ADAMTSL1: variants seen among roughly 807,000 people sequenced by gnomAD.
ADAMTSL1 encodes the protein ADAMTS like 1.
A neutral mutation model predicts 201.8 loss-of-function variants in ADAMTSL1; 126 were observed. That is an observed-to-expected ratio of 0.62 (90% CI 0.54 to 0.72). The LOEUF (loss-of-function observed/expected upper bound fraction) is 0.72. Among genes scored for constraint, ADAMTSL1 ranks in the 30% least tolerant of loss-of-function variants. The pLI, the probability that ADAMTSL1 is intolerant of heterozygous loss-of-function variation, is 0.00. For synonymous variants in ADAMTSL1, 1,121 were observed against 903.4 expected (o/e 1.24, Z -4.32); for missense variants, 2,679 against 2,277.8 (o/e 1.18, Z -3.59).
chr9:18,180,769 G>C (rs536292676), intron 2 of ADAMTSL1, among the ~76,000 whole-genome samples: 2 of 152,074 alleles, frequency 1.3e-5, no homozygotes, highest in African/African-American at 4.8e-5. Flanking sequence ...TTTCTTCACA[G>C]AATTGGAAAA....
chr9:18,737,044 C>T (rs914898428), intron 15 of ADAMTSL1, among the ~76,000 whole-genome samples: 1 of 152,148 alleles, frequency 6.6e-6, no homozygotes, highest in African/African-American at 2.4e-5. Context: ...ACAGGCCAGG[C>T]GTGGTGGCTC....
intron 15 of ADAMTSL1, among the ~76,000 whole-genome samples, chr9:18,738,712 A>G (rs1404908019): frequency 6.6e-6 from 1 of 152,250 alleles, no homozygotes; most frequent in East Asian, 1.9e-4. Flanking sequence ...GTGAGGCTGC[A>G]TGAAGCAAAA....
intron 1 of ADAMTSL1, among the ~76,000 whole-genome samples, chr9:17,983,323 C>T (rs1353361936): frequency 6.6e-6 from 1 of 152,052 alleles, no homozygotes; most frequent in Admixed American, 6.5e-5. Flanking sequence ...CCCGCCTCAG[C>T]CTCCCAAAGT....
At chr9:18,806,192 A>T (rs948311085) in intron 20 of ADAMTSL1, among the ~76,000 whole-genome samples, 11 of 152,208 alleles carry the variant, frequency 7.2e-5, no homozygotes, top group Admixed American at 1.3e-4. Flanking sequence ...TTACAGAAAA[A>T]CAAACCTATA....
At chr9:18,329,891 G>A (rs1302962566) in intron 2 of ADAMTSL1, among the ~76,000 whole-genome samples, 1 of 152,162 alleles carries the variant, frequency 6.6e-6, no homozygotes, top group Non-Finnish European at 1.5e-5. Context: ...AACAGTCTCA[G>A]GCCATGATTT....
chr9:18,053,518 T>C (rs985307590), intron 1 of ADAMTSL1, among the ~76,000 whole-genome samples: 1 of 152,226 alleles, frequency 6.6e-6, no homozygotes, highest in African/African-American at 2.4e-5. Flanking sequence ...CATGAAAAAT[T>C]GTGTATTGTA....
At chr9:18,818,157 C>G (rs765502133) in intron 21 of ADAMTSL1, among the ~76,000 whole-genome samples, 5 of 152,208 alleles carry the variant, frequency 3.3e-5, no homozygotes, top group Non-Finnish European at 5.9e-5. Context: ...AGGGGTTTCA[C>G]TGCCACAATG....
chr9:18,125,811 C>A (rs1230067453), intron 1 of ADAMTSL1, among the ~76,000 whole-genome samples: 1 of 152,182 alleles, frequency 6.6e-6, no homozygotes, highest in African/African-American at 2.4e-5. Context: ...TAGATTTGCT[C>A]ATTTTTCTGC....
chr9:18,299,302 C>G (rs1244999098), intron 2 of ADAMTSL1, among the ~76,000 whole-genome samples: 2 of 152,100 alleles, frequency 1.3e-5, no homozygotes, highest in African/African-American at 4.8e-5. Context: ...AACTCCCTCC[C>G]CAAGCATGTC....
intron 9 of ADAMTSL1, among the ~76,000 whole-genome samples, chr9:18,668,539 C>T (rs113566369): frequency 6.6e-6 from 1 of 152,058 alleles, no homozygotes; most frequent in Admixed American, 6.6e-5. Flanking sequence ...GGTATTATTT[C>T]CATCCTTATT....
At chr9:17,993,524 C>T (rs527261785) in intron 1 of ADAMTSL1, among the ~76,000 whole-genome samples, 175 of 152,208 alleles carry the variant, frequency 1.1e-3, no homozygotes, top group Non-Finnish European at 2.1e-3. Context: ...ATGTCTATTG[C>T]TCATAAATTT....
chr9:18,409,543 A>C (rs987233228), intron 2 of ADAMTSL1, among the ~76,000 whole-genome samples: 1 of 151,712 alleles, frequency 6.6e-6, no homozygotes, highest in African/African-American at 2.4e-5. Context: ...TAAGCTGTAG[A>C]TTAATGTTAA....
chr9:18,696,309 A>G (rs1410714400), intron 13 of ADAMTSL1, among the ~76,000 whole-genome samples: 3 of 152,226 alleles, frequency 2.0e-5, no homozygotes, highest in Non-Finnish European at 2.9e-5. Flanking sequence ...CAACCCGCCC[A>G]TGCCAGAATC....
intron 1 of ADAMTSL1, among the ~76,000 whole-genome samples, chr9:17,954,582 G>A (rs911394857): frequency 6.6e-6 from 1 of 152,150 alleles, no homozygotes; most frequent in Non-Finnish European, 1.5e-5. Flanking sequence ...AAAAGCTCAA[G>A]GGGTATGGAA....
At chr9:18,671,439 G>A (rs569712114) in intron 9 of ADAMTSL1, among the ~76,000 whole-genome samples, 3 of 152,314 alleles carry the variant, frequency 2.0e-5, no homozygotes, top group East Asian at 3.9e-4. Flanking sequence ...TGTGTCAGGA[G>A]GAGATCTACT....
intron 13 of ADAMTSL1, among the ~76,000 whole-genome samples, chr9:18,694,718 C>G (rs919621156): frequency 1.3e-5 from 2 of 152,146 alleles, no homozygotes; most frequent in African/African-American, 4.8e-5. Context: ...TGCAAGCTGT[C>G]AGTGGATCTA....
intron 21 of ADAMTSL1, among the ~76,000 whole-genome samples, chr9:18,817,519 G>A (rs541280496): frequency 5.3e-5 from 8 of 152,280 alleles, no homozygotes; most frequent in East Asian, 1.9e-4. Flanking sequence ...TGCAAAGATG[G>A]GGGCAAGGAG....
chr9:18,245,991 C>G (rs577149303), intron 2 of ADAMTSL1, among the ~76,000 whole-genome samples: 6 of 152,146 alleles, frequency 3.9e-5, no homozygotes, highest in African/African-American at 1.4e-4. Flanking sequence ...AAAAGAATGG[C>G]GAATTGTTGC....
intron 4 of ADAMTSL1, among the ~76,000 whole-genome samples, chr9:18,602,120 T>C (rs1824702281): frequency 6.6e-6 from 1 of 152,242 alleles, no homozygotes; most frequent in Non-Finnish European, 1.5e-5. Flanking sequence ...GTGATTTCAC[T>C]ACTGCCTACT....
Sources: gnomAD v4.1 joint callset for allele counts (sites outside exome capture counted in the v4.1 genomes callset) on GRCh38, gnomAD v4.1.1 for gene constraint, MANE v1.5 for transcripts, NCBI Gene and HGNC (gene_info 2026-07-23, HGNC 2026-07-21) for gene names.